The following CSMD1 variants were observed in gnomAD, a reference collection of about 807,000 sequenced individuals.
CSMD1 encodes the protein CUB and sushi domain-containing protein 1.
A neutral mutation model predicts 417.5 loss-of-function variants in CSMD1; 213 were observed. The observed-to-expected ratio is 0.51, with a 90% CI of 0.46 to 0.57. CSMD1 has a LOEUF of 0.57. Among genes scored for constraint, CSMD1 ranks in the 20% least tolerant of loss-of-function variants. CSMD1 has a pLI of 0.00. For missense variants in CSMD1, 6,923 were observed against 4,529.7 expected (o/e 1.53, Z -15.17); for synonymous variants, 2,862 against 1,736.8 (o/e 1.65, Z -16.11).
At chr8:3,464,823 T>C (rs775312847) in intron 12 of CSMD1, among the ~76,000 whole-genome samples, 4 of 152,162 alleles carry the variant, frequency 2.6e-5, no homozygotes, top group Non-Finnish European at 5.9e-5. Context: ...AGTATTTTCA[T>C]TTGTAAAATG....
chr8:4,904,188 G>C (rs1805084297), intron 1 of CSMD1, among the ~76,000 whole-genome samples: 1 of 152,020 alleles, frequency 6.6e-6, no homozygotes, highest in Non-Finnish European at 1.5e-5. Flanking sequence ...CTGAACTCTG[G>C]TCATAACATG....
intron 2 of CSMD1, among the ~76,000 whole-genome samples, chr8:4,489,818 G>A (rs1184480497): frequency 1.3e-5 from 2 of 152,120 alleles, no homozygotes; most frequent in African/African-American, 4.8e-5. Flanking sequence ...ACATAGTCAG[G>A]CTGCCACCTG....
intron 23 of CSMD1, among the ~76,000 whole-genome samples, chr8:3,310,490 C>T (rs1805244100): frequency 6.6e-6 from 1 of 152,122 alleles, no homozygotes; most frequent in Non-Finnish European, 1.5e-5. Context: ...AGTCCACCTC[C>T]CTATTAATAA....
chr8:4,089,475 G>A (rs892785324), intron 3 of CSMD1, among the ~76,000 whole-genome samples: 3 of 152,072 alleles, frequency 2.0e-5, no homozygotes, highest in Non-Finnish European at 2.9e-5. Context: ...TTCAAAAAAG[G>A]TAATGAACCA....
At chr8:3,978,091 G>C (rs1276051898) in intron 5 of CSMD1, among the ~76,000 whole-genome samples, 3 of 152,204 alleles carry the variant, frequency 2.0e-5, no homozygotes, top group African/African-American at 7.2e-5. Flanking sequence ...CTCGGTGTCT[G>C]TGAGAAAGTC....
At chr8:3,499,202 T>A (rs139376955) in intron 10 of CSMD1, among the ~76,000 whole-genome samples, 1 of 152,214 alleles carries the variant, frequency 6.6e-6, no homozygotes, top group Non-Finnish European at 1.5e-5. Flanking sequence ...GGTGCTTTGG[T>A]TTGTATTCTG....
intron 3 of CSMD1, among the ~76,000 whole-genome samples, chr8:4,297,384 CTGTAATTCATTTTTAT>C: frequency 6.6e-6 from 1 of 152,006 alleles, no homozygotes. Context: ...GTTCAGCGTA[CTGTAATTCATTTTTAT>C]TGACTAAGAA....
chr8:3,296,675 G>C (rs909250831), intron 25 of CSMD1, among the ~76,000 whole-genome samples: 4 of 152,168 alleles, frequency 2.6e-5, no homozygotes, highest in Admixed American at 6.5e-5. Flanking sequence ...GTCAGGTCCT[G>C]GATACGTTTT....
intron 42 of CSMD1, among the ~76,000 whole-genome samples, chr8:3,116,318 A>T (rs893367881): frequency 1.3e-5 from 2 of 152,022 alleles, no homozygotes; most frequent in Non-Finnish European, 2.9e-5. Flanking sequence ...ATAGAAATAT[A>T]ATAGTAAAAA....
rs536893394 is a variant in CSMD1, at chr8:4,288,829, G to A, written c.415+131124C>T. Among the ~76,000 whole-genome samples, 5 of 152,238 alleles carry A rather than the reference G, an allele frequency of 3.3e-5. No individual in the cohort carries two copies. The South Asian group carries it at 1.0e-3, about 32-fold the overall frequency. On this transcript the variant is annotated intron_variant, in intron 3 of 69. Coordinates refer to ENST00000635120, the MANE Select transcript of CSMD1 (RefSeq NM_033225.6). ...AGCAAAATCAAGTCCCATTACGTCA[G>A]TAAAGCACTAATATAGGATACCAGT...
At chr8:4,074,986 G>C (rs760219558) in intron 3 of CSMD1, among the ~76,000 whole-genome samples, 1 of 152,074 alleles carries the variant, frequency 6.6e-6, no homozygotes, top group African/African-American at 2.4e-5. Context: ...AATGGGATAT[G>C]AACTCTACAA....
chr8:3,692,579 C>T (rs1800311750), intron 7 of CSMD1, among the ~76,000 whole-genome samples: 1 of 152,090 alleles, frequency 6.6e-6, no homozygotes, highest in African/African-American at 2.4e-5. Context: ...GGATAACAGG[C>T]ATGTCACCAC....
chr8:3,158,025 A>T, intron 38 of CSMD1, 59 bp from the exon 39 acceptor site: 1 of 1,343,746 alleles, frequency 7.4e-7, no homozygotes, highest in African/African-American at 1.5e-5. Flanking sequence ...TTTAAGGATT[A>T]AATGTTTGAG....
chr8:4,379,573 A>T (rs919253360), intron 3 of CSMD1, among the ~76,000 whole-genome samples: 1 of 152,212 alleles, frequency 6.6e-6, no homozygotes, highest in African/African-American at 2.4e-5. Flanking sequence ...TGGTGTCTAA[A>T]ATTATTTCAA....
intron 8 of CSMD1, 57 bp from the exon 9 acceptor site, chr8:3,586,317 G>T: frequency 1.4e-6 from 2 of 1,431,960 alleles, no homozygotes; most frequent in South Asian, 1.4e-5. Flanking sequence ...GACTTCTTTA[G>T]GAAAAAAAAA....
chr8:4,421,546 T>A (rs1016740945), intron 2 of CSMD1, among the ~76,000 whole-genome samples: 1 of 151,854 alleles, frequency 6.6e-6, no homozygotes, highest in East Asian at 1.9e-4. Flanking sequence ...CAGAAAAATA[T>A]CTAATTACTT....
rs1420205312 is a variant in CSMD1 at position 4,866,580 on chromosome 8, C to G, written c.85+127752G>C. ...AATAGAAACCCAGAGAAGCTCAGCT[C>G]TTTCCCCAATGACACACAACTTATA... On this transcript the variant is annotated intron_variant, in intron 1 of 69. Coordinates refer to ENST00000635120, the MANE Select transcript of CSMD1 (RefSeq NM_033225.6). Among the ~76,000 whole-genome samples the G allele has an allele frequency of 3.3e-5, 5 of 152,028 alleles. No individual in the cohort carries two copies. The Middle Eastern group carries it at 0.01, about 310-fold the overall frequency.
chr8:3,557,387 C>G (rs568587936), intron 10 of CSMD1, among the ~76,000 whole-genome samples: 2 of 152,130 alleles, frequency 1.3e-5, no homozygotes, highest in African/African-American at 4.8e-5. Flanking sequence ...ATCATTTATT[C>G]GTGACCATTT....
chr8:4,152,873 T>A (rs1157309077), intron 3 of CSMD1, among the ~76,000 whole-genome samples: 1 of 152,088 alleles, frequency 6.6e-6, no homozygotes, highest in East Asian at 1.9e-4. Flanking sequence ...AATGAGAAAT[T>A]AACATCAAAT....
Sources: allele counts gnomAD v4.1 joint callset (sites outside exome capture counted in the v4.1 genomes callset), GRCh38; gene constraint gnomAD v4.1.1; transcripts MANE v1.5; gene names NCBI Gene and HGNC (gene_info 2026-07-23, HGNC 2026-07-21).